The following USP34 variants were observed in gnomAD, a reference collection of about 807,000 sequenced individuals.
USP34 encodes the protein ubiquitin carboxyl-terminal hydrolase 34.
USP34 carries 70 observed loss-of-function variants against 460.3 expected under a neutral mutation model. The ratio of observed to expected loss-of-function variants is 0.15; its 90% CI spans 0.13 to 0.19. The LOEUF (loss-of-function observed/expected upper bound fraction) is 0.19, where lower values mean the gene tolerates loss of function less well. Ranked by LOEUF, USP34 falls within the 10% of genes least tolerant of loss-of-function variation. The probability of loss-of-function intolerance (pLI) is 1.00; values close to 1 mark genes in which losing one functional copy is unlikely to be tolerated. For synonymous variants in USP34, 1,647 were observed against 1,405.3 expected (o/e 1.17, Z -3.85); for missense variants, 3,985 against 4,236.2 (o/e 0.94, Z 1.65).
At chr2:61,388,177 A>G (rs1291155447) in intron 5 of USP34, among the ~76,000 whole-genome samples, 2 of 151,978 alleles carry the variant, frequency 1.3e-5, no homozygotes, top group Non-Finnish European at 2.9e-5. Context: ...CAGGAAGTGG[A>G]GGTTGCAACG....
chr2:61,337,232 T>G (rs1691448001), intron 18 of USP34, among the ~76,000 whole-genome samples: 1 of 152,162 alleles, frequency 6.6e-6, no homozygotes, highest in African/African-American at 2.4e-5. Flanking sequence ...TGTTTTTACA[T>G]GATATAAATA....
At chr2:61,421,049 C>T (rs1333619257) in intron 1 of USP34, among the ~76,000 whole-genome samples, 1 of 152,056 alleles carries the variant, frequency 6.6e-6, no homozygotes, top group Non-Finnish European at 1.5e-5. Context: ...TGAGACTTTG[C>T]CACTTATTCT....
At chr2:61,382,339 C>T (rs959881219) in intron 6 of USP34, among the ~76,000 whole-genome samples, 2 of 152,202 alleles carry the variant, frequency 1.3e-5, no homozygotes, top group Non-Finnish European at 2.9e-5. Context: ...ACTATATCCC[C>T]TTACACATTA....
At chr2:61,264,219 G>A (rs922627071) in intron 43 of USP34, among the ~76,000 whole-genome samples, 5 of 152,096 alleles carry the variant, frequency 3.3e-5, no homozygotes, top group Admixed American at 6.5e-5. Context: ...AAAAAACCCA[G>A]AACCACTTGG....
chr2:61,257,368 A>AAC lies in USP34; in HGVS notation c.5845-20_5845-19dup. On this transcript the variant is annotated intron_variant, in intron 44 of 79. Transcript: ENST00000398571. Reference sequence around the variant, plus strand: ...TCACTCTCCTGCAAATAAAAAGGGGAACATTCTAAGTGTCAGATAAAAATA... The same window carrying AAC: ...TCACTCTCCTGCAAATAAAAAGGGGAACACATTCTAAGTGTCAGATAAAAATA... The AAC allele has an allele frequency of 1.3e-6, 2 of 1,554,458 alleles. No individual in the cohort carries two copies. Among genetic ancestry groups the AAC allele is most frequent in the East Asian group, 4.6e-5 (2 of 43,420 alleles).
rs572703429 is a variant in USP34, at chr2:61,338,632, T to C, written c.2744+719A>G. On this transcript the variant is annotated intron_variant, in intron 18 of 79. Coordinates refer to ENST00000398571, the MANE Select transcript of USP34 (RefSeq NM_014709.4). ...CACCAGAATTGTGTTTTCACTACAT[T>C]AGAGAATGGAACACTATCAAAGCAG... is the stretch of plus-strand genomic sequence containing the variant. 1.4e-4 allele frequency among the ~76,000 whole-genome samples: 21 copies of C among 152,196 alleles called. No homozygotes were observed. In the South Asian group the frequency reaches 3.5e-3, roughly 26 times the overall value.
intron 48 of USP34, among the ~76,000 whole-genome samples, chr2:61,252,713 CA>C (rs1253815527): frequency 6.6e-6 from 1 of 152,134 alleles, no homozygotes; most frequent in Non-Finnish European, 1.5e-5. Flanking sequence ...TGAAGTATAA[CA>C]GAGTCAAATG....
intron 41 of USP34, among the ~76,000 whole-genome samples, chr2:61,272,921 A>C (rs1356999506): frequency 6.6e-6 from 1 of 152,204 alleles, no homozygotes; most frequent in Non-Finnish European, 1.5e-5. Context: ...AATAAAAGAA[A>C]AACAAGAATT....
Position 61,228,824 on chromosome 2 carries a change from C to T in USP34, c.7368+3G>A. The T allele has an allele frequency of 2.5e-6, 4 of 1,595,430 alleles. No individual in the cohort carries two copies. The highest frequency in any genetic ancestry group is 3.4e-6 in the Non-Finnish European group (4 of 1,171,326). ...CAAAAAAATAGACAAGATATAGCCT[C>T]ACCTCTTCTTCACCCATTTTTGCAA... On this transcript the variant is annotated splice_donor_region_variant and intron_variant, in intron 60 of 79. Coordinates refer to ENST00000398571, the MANE Select transcript of USP34 (RefSeq NM_014709.4).
chr2:61,387,584 T>TATATATTTATATATACACACATATATAAA (rs1693190852), intron 5 of USP34, among the ~76,000 whole-genome samples: 1 of 147,250 alleles, frequency 6.8e-6, no homozygotes, highest in Admixed American at 6.9e-5. Flanking sequence ...ATATAAAATA[T>TATATATTTATATATACACACATATATAAA]ATATATTTAT....
chr2:61,291,310 A>T (rs1422731896), intron 33 of USP34, among the ~76,000 whole-genome samples: 1 of 152,202 alleles, frequency 6.6e-6, no homozygotes, highest in Non-Finnish European at 1.5e-5. Context: ...CTTGGAAAGG[A>T]TGTGGAGAAA....
rs1050812682 is a variant in USP34 at position 61,246,182 on chromosome 2, C to G, written c.6548+142G>C. ...ATGTTTAAGAACTGATTTACACTGT[C>G]TGTTGAAAGTTATCTTCATTTAAAA... On this transcript the variant is annotated intron_variant, in intron 50 of 79. Transcript: ENST00000398571. 6.7e-5 allele frequency: 35 copies of G among 525,350 alleles called. No homozygotes were observed. The South Asian group carries it at 1.3e-3, about 19-fold the overall frequency. 32.5% of individuals were successfully genotyped at this position (525,350 alleles called of 1,614,324 possible).
chr2:61,256,977 AAAAACTAGTAAATTAT>A, intron 46 of USP34, 27 bp from the exon 47 acceptor site: 1 of 1,437,100 alleles, frequency 7.0e-7, no homozygotes. Flanking sequence ...AAAAATTAAT[AAAAACTAGTAAATTAT>A]AATATAAATG....
intron 75 of USP34, 127 bp from the exon 76 acceptor site, chr2:61,193,107 C>A: frequency 1.4e-6 from 1 of 710,102 alleles, no homozygotes; most frequent in Non-Finnish European, 2.3e-6. Context: ...TTTTAAAGTA[C>A]ATAAAGGGGA....
At chr2:61,458,289 G>A (rs1054501986) in intron 1 of USP34, among the ~76,000 whole-genome samples, 11 of 152,032 alleles carry the variant, frequency 7.2e-5, no homozygotes, top group East Asian at 3.9e-4. Context: ...GGCCAGGCAC[G>A]GGGGTTCACA....
intron 10 of USP34, among the ~76,000 whole-genome samples, chr2:61,358,376 A>C (rs1692170682): frequency 6.6e-6 from 1 of 152,050 alleles, no homozygotes; most frequent in South Asian, 2.1e-4. Flanking sequence ...TTATAGTTCT[A>C]AAAAAATTAT....
chr2:61,189,297 G>A (rs1686550109), intron 78 of USP34: 1 of 429,768 alleles, frequency 2.3e-6, no homozygotes, highest in Non-Finnish European at 4.0e-6. Context: ...TTTTTGAGAT[G>A]GAGTCTTGTT....
chr2:61,413,703 G>A (rs1391437857), intron 2 of USP34, among the ~76,000 whole-genome samples: 17 of 143,666 alleles, frequency 1.2e-4, no homozygotes, highest in African/African-American at 3.4e-4. Context: ...AAGAGGCCGA[G>A]TGAGTGGCTC....
Position 61,300,381 on chromosome 2 carries a change from G to T in USP34, c.4128+570C>A, listed in dbSNP as rs983590445. Among the ~76,000 whole-genome samples, 8 of 151,860 alleles carry T rather than the reference G, an allele frequency of 5.3e-5. No homozygotes were observed. In the East Asian group the frequency reaches 1.4e-3, roughly 26 times the overall value. On this transcript the variant is annotated intron_variant, in intron 29 of 79. Transcript: ENST00000398571. ...TTTTTGTATTTTTAGTAGAGACGGGGTTTCACCATGTTGGTCAGGCTGCTC... is the reference window on the plus strand; with the variant it reads ...TTTTTGTATTTTTAGTAGAGACGGGTTTTCACCATGTTGGTCAGGCTGCTC...
Sources: gnomAD v4.1 joint callset for allele counts (sites outside exome capture counted in the v4.1 genomes callset) on GRCh38, gnomAD v4.1.1 for gene constraint, MANE v1.5 for transcripts, NCBI Gene and HGNC (gene_info 2026-07-23, HGNC 2026-07-21) for gene names.